The following C4orf17 variants were observed in gnomAD, a reference collection of about 807,000 sequenced individuals.
C4orf17 encodes the protein chromosome 4 open reading frame 17, also known as uncharacterized protein C4orf17.
A neutral mutation model predicts 32.0 loss-of-function variants in C4orf17; 25 were observed. The ratio of observed to expected loss-of-function variants is 0.78; its 90% CI spans 0.57 to 1.09. C4orf17 has a LOEUF of 1.09. Among genes scored for constraint, C4orf17 ranks in the 50% least tolerant of loss-of-function variants. The probability of loss-of-function intolerance (pLI) is 0.00; values close to 1 mark genes in which losing one functional copy is unlikely to be tolerated. For missense variants in C4orf17, 420 were observed against 420.0 expected, an observed-to-expected ratio of 1.00 and a Z score of 0.00; for synonymous variants, 149 against 145.8, an observed-to-expected ratio of 1.02 and a Z score of -0.16.
intron 8 of C4orf17, 88 bp downstream of exon 8, chr4:99,540,543 G>C: frequency 2.3e-6 from 2 of 855,960 alleles, no homozygotes; most frequent in Non-Finnish European, 3.8e-6. Flanking sequence ...AAGGATCAGT[G>C]CTTTTAAAAA....
chr4:99,523,147 T>A (rs1260141350), intron 3 of C4orf17, among the ~76,000 whole-genome samples: 1 of 152,214 alleles, frequency 6.6e-6, no homozygotes, highest in Non-Finnish European at 1.5e-5. Context: ...GTTTCTGCCA[T>A]CCTTCCTTTC....
At chr4:99,531,124 T>C (rs989499149) in intron 5 of C4orf17, among the ~76,000 whole-genome samples, 11 of 65,234 alleles carry the variant, frequency 1.7e-4, no homozygotes, top group African/African-American at 2.2e-4. Flanking sequence ...TACCCTTTGT[T>C]TTTTTTTGCA....
intron 2 of C4orf17, among the ~76,000 whole-genome samples, chr4:99,518,518 A>AATATATATATATAT (rs1323508832): frequency 5.9e-5 from 1 of 16,832 alleles, no homozygotes; most frequent in African/African-American, 4.2e-4. Flanking sequence ...AAAAAAAAAA[A>AATATATATATATAT]ATATATATAT....
In C4orf17 at chr4:99,513,129, C is replaced by T. The variant is rs908019592; in HGVS notation, c.48C>T (p.Gly16=). 6 of 1,613,768 alleles carry T rather than the reference C, an allele frequency of 3.7e-6. No individual in the cohort carries two copies. The African/African-American group carries it at 8.0e-5, about 22-fold the overall frequency. The stretch of plus-strand genomic sequence containing the variant: ...CTGCTCTTCAGATCGAGGGCAAAGG[C>T]AGCCATATTATGGCTAGAAATGTAA... ...PTSALQIEGK[G]SHIMARNVSC... is the part of the protein sequence containing the mutation. Residue 16 remains glycine, a synonymous_variant, in exon 2 of 9, where the codon GGC becomes GGT. Coordinates refer to ENST00000326581, the MANE Select transcript of C4orf17 (RefSeq NM_032149.3).
intron 5 of C4orf17, among the ~76,000 whole-genome samples, chr4:99,536,675 T>G (rs867492830): frequency 2.4e-4 from 37 of 152,306 alleles, no homozygotes; most frequent in African/African-American, 8.9e-4. Context: ...CTGTTCCCTC[T>G]GTCTCAGATT....
At chr4:99,514,304 T>C (rs1723141873) in intron 2 of C4orf17, among the ~76,000 whole-genome samples, 2 of 151,846 alleles carry the variant, frequency 1.3e-5, no homozygotes, top group Admixed American at 1.3e-4. Flanking sequence ...AAAGAAATAA[T>C]CAGCAAACAG....
At chr4:99,515,348 A>G (rs1375108337) in intron 2 of C4orf17, among the ~76,000 whole-genome samples, 1 of 152,234 alleles carries the variant, frequency 6.6e-6, no homozygotes, top group African/African-American at 2.4e-5. Flanking sequence ...CATATACACC[A>G]TGGAATACTC....
intron 3 of C4orf17, among the ~76,000 whole-genome samples, chr4:99,523,067 T>A (rs1340642148): frequency 6.6e-6 from 1 of 152,138 alleles, no homozygotes; most frequent in East Asian, 1.9e-4. Flanking sequence ...AAGAATGAAA[T>A]TGCATGTTTA....
At chr4:99,520,375 G>A (rs1403805673) in intron 2 of C4orf17, among the ~76,000 whole-genome samples, 3 of 152,132 alleles carry the variant, frequency 2.0e-5, no homozygotes, top group Non-Finnish European at 4.4e-5. Flanking sequence ...GATTACAGGC[G>A]TGAGCCACCG....
At position 99,542,050 on chromosome 4, in the gene C4orf17, A is replaced by G; in HGVS notation, c.1021A>G (p.Ile341Val). 1 of 1,614,158 alleles carries G rather than the reference A, an allele frequency of 6.2e-7. No homozygotes were observed. The highest frequency in any genetic ancestry group is 8.5e-7 in the Non-Finnish European group (1 of 1,180,000). Reference sequence around the variant, plus strand: ...AGCAAAACCAGTGTCAGCAAGGAGTATACAAGAATACAACCTCTGTCCCCA... The same window carrying G: ...AGCAAAACCAGTGTCAGCAAGGAGTGTACAAGAATACAACCTCTGTCCCCA... ...GSAKPVSARS[I>V]QEYNLCPQRA... Residue 341 changes from isoleucine (I) to valine (V), a missense_variant, in exon 9 of 9, where the codon ATA (isoleucine) becomes GTA (valine). Coordinates refer to ENST00000326581, the MANE Select transcript of C4orf17 (RefSeq NM_032149.3).
chr4:99,542,020 G>A lies in C4orf17; in HGVS notation c.991G>A (p.Gly331Arg), dbSNP rs772227844. ...TCCCAGGCCTAACACTCAGGAGAGT[G>A]GATCAGCAAAACCAGTGTCAGCAAG... ...SPPRPNTQES[G>R]SAKPVSARSI... Residue 331 changes from glycine to arginine, a missense_variant, in exon 9 of 9, where the codon GGA (glycine) becomes AGA (arginine). By Grantham distance (125) the Gly-to-Arg change is moderately radical (BLOSUM62 -2). Coordinates refer to ENST00000326581, the MANE Select transcript of C4orf17 (RefSeq NM_032149.3). 5 of 1,613,940 alleles carry A rather than the reference G, an allele frequency of 3.1e-6. No individual in the cohort carries two copies. Among genetic ancestry groups the A allele is most frequent in the Admixed American group, 1.7e-5 (1 of 60,022 alleles).
rs1723086811 is a variant in C4orf17 at position 99,511,144 on chromosome 4, T to G, written c.-222T>G. 6.6e-6 allele frequency: 1 copy of G among 152,186 alleles called. No individual in the cohort carries two copies. Among genetic ancestry groups the G allele is most frequent in the African/African-American group, 2.4e-5 (1 of 41,460 alleles). The allele number at this position is 152,186 out of a possible 1,614,324, so 9.4% of individuals were successfully genotyped here. A position where few individuals can be genotyped will look rare whatever the true frequency, so the allele number is the denominator to read the frequency against. On this transcript the variant is annotated 5_prime_UTR_variant, in exon 1 of 9. Transcript: ENST00000326581. ...TGGTCTGTCTCTACCAACTAAAAAC[T>G]TCTAGCTTAAGTGCAGAGATTTAAG...
rs758638191 is a variant in C4orf17, at chr4:99,542,136, A to G, written c.*27A>G. 4 of 1,570,648 alleles carry G rather than the reference A, an allele frequency of 2.5e-6. No individual in the cohort carries two copies. Among genetic ancestry groups the G allele is most frequent in the Non-Finnish European group, 3.5e-6 (4 of 1,141,720 alleles). ...AGTTCTAGACTGGGTGAATTCTTTC[A>G]TGAATATGAGCTTCACATTTACATC... is the stretch of plus-strand genomic sequence containing the variant. On this transcript the variant is annotated 3_prime_UTR_variant, in exon 9 of 9. Coordinates refer to ENST00000326581, the MANE Select transcript of C4orf17 (RefSeq NM_032149.3).
At chr4:99,529,784 G>T in intron 4 of C4orf17, 31 bp from the exon 5 acceptor site, 1 of 1,557,564 alleles carries the variant, frequency 6.4e-7, no homozygotes, top group Non-Finnish European at 8.7e-7. Context: ...GGATGCAAAT[G>T]TATATTGGTT....
chr4:99,529,041 C>T (rs1191241218), intron 4 of C4orf17, among the ~76,000 whole-genome samples: 2 of 152,080 alleles, frequency 1.3e-5, no homozygotes, highest in Non-Finnish European at 2.9e-5. Context: ...AAAAAGAATG[C>T]CTCAAATATA....
intron 4 of C4orf17, among the ~76,000 whole-genome samples, chr4:99,524,867 T>C (rs1368234841): frequency 6.6e-6 from 1 of 152,260 alleles, no homozygotes; most frequent in Non-Finnish European, 1.5e-5. Flanking sequence ...GGCAACTGTT[T>C]GTCTGCTTTC....
chr4:99,536,824 A>G (rs1289401757), intron 5 of C4orf17, among the ~76,000 whole-genome samples: 1 of 152,194 alleles, frequency 6.6e-6, no homozygotes, highest in Non-Finnish European at 1.5e-5. Context: ...ACAAAACAAG[A>G]CAAATGTTGG....
chr4:99,529,786 A>T, intron 4 of C4orf17, 29 bp from the exon 5 acceptor site: 1 of 1,565,884 alleles, frequency 6.4e-7, no homozygotes, highest in Non-Finnish European at 8.7e-7. Flanking sequence ...ATGCAAATGT[A>T]TATTGGTTAT....
chr4:99,538,923 A>G (rs1723607818), intron 6 of C4orf17, among the ~76,000 whole-genome samples: 1 of 152,182 alleles, frequency 6.6e-6, no homozygotes, highest in African/African-American at 2.4e-5. Context: ...TTCCACTGCT[A>G]TTCAGGGACA....
Sources: allele counts gnomAD v4.1 joint callset (sites outside exome capture counted in the v4.1 genomes callset), GRCh38; gene constraint gnomAD v4.1.1; transcripts MANE v1.5; gene names NCBI Gene and HGNC (gene_info 2026-07-23, HGNC 2026-07-21).